SLC22A5: variants seen among roughly 807,000 people sequenced by gnomAD.
SLC22A5 encodes organic cation/carnitine transporter 2.
SLC22A5 carries 44 observed loss-of-function variants against 56.7 expected under a neutral mutation model. The ratio of observed to expected loss-of-function variants is 0.78; its 90% CI spans 0.61 to 1.00. The LOEUF (loss-of-function observed/expected upper bound fraction) is 1.00, where lower values mean the gene tolerates loss of function less well. SLC22A5 is among the 50% of genes least tolerant of loss of function. SLC22A5 has a pLI of 0.00. For missense variants in SLC22A5, 675 were observed against 723.0 expected (o/e 0.93, Z 0.76); for synonymous variants, 278 against 292.1 (o/e 0.95, Z 0.49).
intron 8 of SLC22A5, among the ~76,000 whole-genome samples, chr5:132,393,157 T>A (rs1223916755): frequency 6.6e-6 from 1 of 151,950 alleles, no homozygotes; most frequent in East Asian, 1.9e-4. Context: ...TTCCTGCACA[T>A]CCCTAGCCAG....
At chr5:132,393,895 G>C (rs542288779) in intron 9 of SLC22A5, 84 bp downstream of exon 9, 1 of 1,482,700 alleles carries the variant, frequency 6.7e-7, no homozygotes, top group African/African-American at 1.4e-5. Context: ...AGAGCTACTC[G>C]CAAACTCCCT....
At position 132,369,869 on chromosome 5, in the gene SLC22A5, T is replaced by C. The variant is rs985225074; in HGVS notation, c.-104T>C. 6.7e-6 allele frequency: 10 copies of C among 1,482,824 alleles called. No homozygotes were observed. In the African/African-American group the frequency reaches 1.3e-4, roughly 19 times the overall value. The allele number at this position is 1,482,824 out of a possible 1,614,324, so 91.9% of individuals were successfully genotyped here. A position where few individuals can be genotyped will look rare whatever the true frequency, so the allele number is the denominator to read the frequency against. On this transcript the variant is annotated 5_prime_UTR_variant, in exon 1 of 10. Coordinates refer to ENST00000245407, the MANE Select transcript of SLC22A5 (RefSeq NM_003060.4). ...CCTCCGCGGACGGTCTTGGGTCGCC[T>C]GCTGCCTGGCTTGCCTGGTCGGCGG...
At chr5:132,390,197 C>A in intron 6 of SLC22A5, 1 of 221,572 alleles carries the variant, frequency 4.5e-6, no homozygotes, top group Non-Finnish European at 9.1e-6. Flanking sequence ...CTCTTCCTGA[C>A]TGGTCACCAC....
chr5:132,377,742 T>G, intron 1 of SLC22A5: 2 of 182,490 alleles, frequency 1.1e-5, no homozygotes, highest in Non-Finnish European at 2.3e-5. Flanking sequence ...AATAGTAGAG[T>G]GGGAGCTAAA....
chr5:132,370,109 C>T lies in SLC22A5; in HGVS notation c.137C>T (p.Pro46Leu), dbSNP rs377767445. 6 of 1,611,702 alleles carry T rather than the reference C, an allele frequency of 3.7e-6. No homozygotes were observed. In the East Asian group the frequency reaches 6.7e-5, roughly 18 times the overall value. ...GLSSVFLIAT[P>L]EHRCRVPDAA... ...TCCTCCGTGTTCCTGATAGCGACCCCGGAGCACCGCTGCCGGGTGCCGGAC... is the reference window on the plus strand; with the variant it reads ...TCCTCCGTGTTCCTGATAGCGACCCTGGAGCACCGCTGCCGGGTGCCGGAC... Residue 46 changes from proline (P) to leucine (L), a missense_variant, in exon 1 of 10, where the codon CCG (proline) becomes CTG (leucine). By Grantham distance (98) the Pro-to-Leu change is moderately conservative. Coordinates refer to ENST00000245407, the MANE Select transcript of SLC22A5 (RefSeq NM_003060.4).
Position 132,369,776 on chromosome 5 carries a change from TG to T in SLC22A5, c.-195del. 3 of 630,746 alleles carry T rather than the reference TG, an allele frequency of 4.8e-6. No individual in the cohort carries two copies. The highest frequency in any genetic ancestry group is 7.6e-6 in the Non-Finnish European group (3 of 394,074). 39.1% of individuals were successfully genotyped at this position (630,746 alleles called of 1,614,324 possible). On this transcript the variant is annotated 5_prime_UTR_variant, in exon 1 of 10. Transcript: ENST00000245407. The stretch of plus-strand genomic sequence containing the variant: ...TGCGGCCCAGGCCCGCAACCTTCCC[TG>T]GTCGTGCGCCCTATGTAAGGCCAGC...
At chr5:132,389,439 G>A (rs1752632958) in intron 6 of SLC22A5, 1 of 314,872 alleles carries the variant, frequency 3.2e-6, no homozygotes, top group Non-Finnish European at 6.2e-6. Context: ...TGGAAATGTG[G>A]AAGTGGGATG....
intron 1 of SLC22A5, among the ~76,000 whole-genome samples, chr5:132,373,835 T>C (rs1752034960): frequency 6.6e-6 from 1 of 152,124 alleles, no homozygotes; most frequent in Non-Finnish European, 1.5e-5. Context: ...CCCCATCTGC[T>C]GGAAACCTGG....
chr5:132,392,641 C>A (rs764496566), intron 8 of SLC22A5, 26 bp downstream of exon 8: 1 of 1,602,252 alleles, frequency 6.2e-7, no homozygotes, highest in Admixed American at 1.7e-5. Context: ...CAAGGGCACA[C>A]TAGAGCAACG....
chr5:132,392,806 A>C (rs1236307854), intron 8 of SLC22A5, among the ~76,000 whole-genome samples, 191 bp downstream of exon 8: 1 of 152,230 alleles, frequency 6.6e-6, no homozygotes, highest in African/African-American at 2.4e-5. Context: ...AATGGAAAAC[A>C]ACCTATAGAT....
intron 4 of SLC22A5, among the ~76,000 whole-genome samples, chr5:132,386,400 T>C (rs910077265): frequency 6.6e-6 from 1 of 152,044 alleles, no homozygotes; most frequent in Admixed American, 6.5e-5. Flanking sequence ...GCTAATTTTT[T>C]TTGTATTTCT....
At chr5:132,389,344 G>C in intron 6 of SLC22A5, 1 of 365,424 alleles carries the variant, frequency 2.7e-6, no homozygotes, top group Non-Finnish European at 5.3e-6. Context: ...ACCGACAGTG[G>C]CTGAGGAGGC....
chr5:132,378,411 C>G lies in SLC22A5; in HGVS notation c.427C>G (p.Pro143Ala). 1.9e-6 allele frequency: 3 copies of G among 1,614,200 alleles called. No individual in the cohort carries two copies. The highest frequency in any genetic ancestry group is 2.5e-6 in the Non-Finnish European group (3 of 1,180,014). ...GGTGTGTGAGGACGACTGGAAGGCC[C>G]CACTCACAATCTCCTTGTTCTTCGT... is the stretch of plus-strand genomic sequence containing the variant. ...NLVCEDDWKA[P>A]LTISLFFVGV... Residue 143 changes from proline to alanine, a missense_variant, in exon 2 of 10, where the codon CCA becomes GCA. Pro to Ala is a conservative substitution (Grantham distance 27). Coordinates refer to ENST00000245407, the MANE Select transcript of SLC22A5 (RefSeq NM_003060.4).
At position 132,395,315 on chromosome 5, in the gene SLC22A5, A is replaced by T. The variant is rs898432249; in HGVS notation, c.*1043A>T. 6.6e-6 allele frequency: 1 copy of T among 150,864 alleles called. No homozygotes were observed. Among genetic ancestry groups the T allele is most frequent in the Non-Finnish European group, 1.5e-5 (1 of 66,838 alleles). 9.3% of individuals were successfully genotyped at this position (150,864 alleles called of 1,614,324 possible). A position where few individuals can be genotyped will look rare whatever the true frequency, so the allele number is the denominator to read the frequency against. ...AGCCTCTAGCACTTCTCTAAGTGCC[A>T]AAAACAGTGTCATTGTGTGTGTTCC... On this transcript the variant is annotated 3_prime_UTR_variant, in exon 10 of 10. Transcript: ENST00000245407.
At chr5:132,372,590 T>C (rs1173306847) in intron 1 of SLC22A5, among the ~76,000 whole-genome samples, 1 of 152,190 alleles carries the variant, frequency 6.6e-6, no homozygotes, top group Admixed American at 6.5e-5. Flanking sequence ...TTTTTTAATA[T>C]TTAGACTATT....
chr5:132,392,233 T>C (rs1225739151), intron 7 of SLC22A5, among the ~76,000 whole-genome samples, 200 bp from the exon 8 acceptor site: 2 of 152,192 alleles, frequency 1.3e-5, no homozygotes, highest in Non-Finnish European at 2.9e-5. Context: ...AAAGTGCATG[T>C]CCTTATAGCT....
In SLC22A5 at chr5:132,395,308, AAGTGCCAAAAAC is replaced by A. The variant is rs148749750; in HGVS notation, c.*1041_*1052del. 5.5e-3 allele frequency: 832 copies of A among 152,040 alleles called. 8 individuals carry two copies. The highest frequency in any genetic ancestry group is 8.6e-3 in the Non-Finnish European group (587 of 67,938). 9.4% of individuals were successfully genotyped at this position (152,040 alleles called of 1,614,324 possible). On this transcript the variant is annotated 3_prime_UTR_variant, in exon 10 of 10. Transcript: ENST00000245407. ...CAGCCCTAGCCTCTAGCACTTCTCT[AAGTGCCAAAAAC>A]AGTGTCATTGTGTGTGTTCCTTTCT... is the stretch of plus-strand genomic sequence containing the variant.
intron 3 of SLC22A5, 126 bp downstream of exon 3, chr5:132,384,427 G>A (rs935014536): frequency 3.9e-6 from 4 of 1,015,322 alleles, no homozygotes; most frequent in Middle Eastern, 2.9e-4. Flanking sequence ...ACTAGCCAGA[G>A]CTTCCTGGTG....
At chr5:132,384,410 T>A in intron 3 of SLC22A5, 109 bp downstream of exon 3, 1 of 1,170,480 alleles carries the variant, frequency 8.5e-7, no homozygotes, top group Non-Finnish European at 1.3e-6. Context: ...ACAGGGTTTC[T>A]AACAAAACTA....
Sources: gnomAD v4.1 joint callset for allele counts (sites outside exome capture counted in the v4.1 genomes callset) on GRCh38, gnomAD v4.1.1 for gene constraint, MANE v1.5 for transcripts, NCBI Gene and HGNC (gene_info 2026-07-23, HGNC 2026-07-21) for gene names.